The following ATP13A4 variants were observed in gnomAD, a reference collection of about 807,000 sequenced individuals.
ATP13A4 encodes ATPase 13A4.
In ATP13A4, 114 loss-of-function variants were observed where a neutral mutation model predicts 142.5. The ratio of observed to expected loss-of-function variants is 0.80; its 90% CI spans 0.69 to 0.93. ATP13A4 has a LOEUF of 0.93. Among genes scored for constraint, ATP13A4 ranks in the 40% least tolerant of loss-of-function variants. The pLI is 0.00. For missense variants in ATP13A4, 1,392 were observed against 1,454.0 expected (o/e 0.96, Z 0.69); for synonymous variants, 488 against 514.8 (o/e 0.95, Z 0.70).
At chr3:193,408,562 G>A (rs1276555527) in intron 28 of ATP13A4, among the ~76,000 whole-genome samples, 1 of 152,112 alleles carries the variant, frequency 6.6e-6, no homozygotes, top group Non-Finnish European at 1.5e-5. Flanking sequence ...TCTGCTGCTG[G>A]GAGGATAAAT....
Position 193,464,991 on chromosome 3 carries a change from G to A in ATP13A4, c.1410C>T (p.Ser470=), listed in dbSNP as rs778320962. ...RLKKRGIFCI[S]PQRINVCGQL... is the part of the protein sequence containing the mutation. ...GTCCACATACGTTGATCCTCTGGGGGCTAATGCAGAAGATGCCTCTCTTCT... is the reference window on the plus strand; with the variant it reads ...GTCCACATACGTTGATCCTCTGGGGACTAATGCAGAAGATGCCTCTCTTCT... Residue 470 remains serine (S), a synonymous_variant, in exon 12 of 30, where the codon AGC becomes AGT. Coordinates refer to ENST00000342695, the MANE Select transcript of ATP13A4 (RefSeq NM_032279.4). The A allele has an allele frequency of 1.2e-6, 2 of 1,614,112 alleles. No homozygotes were observed. The highest frequency in any genetic ancestry group is 1.7e-6 in the Non-Finnish European group (2 of 1,180,008).
At chr3:193,416,971 T>C (rs1463547782) in intron 25 of ATP13A4, 1 of 152,058 alleles carries the variant, frequency 6.6e-6, no homozygotes, top group Admixed American at 6.6e-5. Flanking sequence ...TTGAAAGCAG[T>C]GAGGGATAAG....
intron 25 of ATP13A4, among the ~76,000 whole-genome samples, chr3:193,425,903 CAA>C (rs1715634772): frequency 6.6e-6 from 1 of 151,566 alleles, no homozygotes; most frequent in Non-Finnish European, 1.5e-5. Flanking sequence ...GATAAATGTG[CAA>C]AGTGATAAAT....
intron 1 of ATP13A4, among the ~76,000 whole-genome samples, chr3:193,543,955 A>G (rs1251508155): frequency 6.6e-6 from 1 of 152,198 alleles, no homozygotes; most frequent in Non-Finnish European, 1.5e-5. Context: ...AGACTCAGAA[A>G]GAGGCTGGCA....
intron 13 of ATP13A4, among the ~76,000 whole-genome samples, chr3:193,459,515 G>A (rs769961468): frequency 2.6e-5 from 4 of 152,102 alleles, no homozygotes; most frequent in Non-Finnish European, 4.4e-5. Context: ...TCGATTCATT[G>A]CAACCTCTGC....
At chr3:193,522,898 C>A (rs1444979783) in intron 1 of ATP13A4, among the ~76,000 whole-genome samples, 1 of 152,160 alleles carries the variant, frequency 6.6e-6, no homozygotes, top group Non-Finnish European at 1.5e-5. Context: ...CTGATGATGT[C>A]TTTAGTATAA....
At chr3:193,512,010 CCT>C (rs1424109097) in intron 2 of ATP13A4, among the ~76,000 whole-genome samples, 1 of 151,896 alleles carries the variant, frequency 6.6e-6, no homozygotes, top group Non-Finnish European at 1.5e-5. Context: ...TTGCCCATTT[CCT>C]CTTATTCTTG....
intron 9 of ATP13A4, among the ~76,000 whole-genome samples, chr3:193,468,186 AAATAAATAAAT>A (rs1487709160): frequency 6.6e-6 from 1 of 151,944 alleles, no homozygotes; most frequent in Non-Finnish European, 1.5e-5. Flanking sequence ...TCTCAAAAAT[AAATAAATAAAT>A]AATAAATAAA....
At chr3:193,499,611 T>C (rs929194908) in intron 3 of ATP13A4, among the ~76,000 whole-genome samples, 11 of 152,352 alleles carry the variant, frequency 7.2e-5, no homozygotes, top group Non-Finnish European at 1.2e-4. Context: ...TCTCAAAGGA[T>C]ATCATATTCA....
At chr3:193,467,155 C>G (rs1041937605) in intron 10 of ATP13A4, among the ~76,000 whole-genome samples, 161 bp downstream of exon 10, 4 of 151,722 alleles carry the variant, frequency 2.6e-5, no homozygotes, top group African/African-American at 9.7e-5. Context: ...TCAGGTATCC[C>G]ATAAGTATAT....
intron 3 of ATP13A4, among the ~76,000 whole-genome samples, chr3:193,501,830 C>A (rs1426912622): frequency 6.6e-6 from 1 of 152,138 alleles, no homozygotes; most frequent in Non-Finnish European, 1.5e-5. Flanking sequence ...AACCCAAATA[C>A]ATTTGAATGA....
chr3:193,592,948 A>G (rs988592925), intron 1 of ATP13A4: 2 of 191,404 alleles, frequency 1.0e-5, no homozygotes, highest in Non-Finnish European at 2.1e-5. Flanking sequence ...GCATTCATCA[A>G]TTCTCATTCC....
At chr3:193,557,105 G>T (rs923878136), upstream of ATP13A4, among the ~76,000 whole-genome samples, 6 of 152,206 alleles carry the variant, frequency 3.9e-5, no homozygotes, top group Admixed American at 3.9e-4. Context: ...AGCTAGAGGA[G>T]AAACTGTACA....
chr3:193,407,512 G>C, intron 28 of ATP13A4, 119 bp from the exon 29 acceptor site: 1 of 703,430 alleles, frequency 1.4e-6, no homozygotes, highest in Non-Finnish European at 2.5e-6. Flanking sequence ...ATATATGTGT[G>C]TATATTACAT....
chr3:193,440,294 T>C (rs1716551404), intron 21 of ATP13A4: 1 of 472,072 alleles, frequency 2.1e-6, no homozygotes, highest in African/African-American at 2.0e-5. Context: ...AGTCCAGTGG[T>C]TCTCAGCATT....
chr3:193,493,417 C>A (rs962004564), intron 3 of ATP13A4, among the ~76,000 whole-genome samples: 5 of 152,238 alleles, frequency 3.3e-5, no homozygotes, highest in African/African-American at 1.2e-4. Context: ...TTAGTCTCTG[C>A]ATTCTACTAC....
At chr3:193,478,006 A>G (rs1229385523) in intron 8 of ATP13A4, among the ~76,000 whole-genome samples, 1 of 152,102 alleles carries the variant, frequency 6.6e-6, no homozygotes, top group Non-Finnish European at 1.5e-5. Flanking sequence ...TGAAAACTGC[A>G]AAACACTGCC....
intron 25 of ATP13A4, among the ~76,000 whole-genome samples, chr3:193,429,320 C>T (rs1715844732): frequency 6.6e-6 from 1 of 151,966 alleles, no homozygotes; most frequent in African/African-American, 2.4e-5. Flanking sequence ...GAGTTGAAAA[C>T]AGGGACTCAA....
chr3:193,563,125 G>A lies in ATP13A4; in HGVS notation n.291+18582C>T, dbSNP rs543167177. On this transcript the variant is annotated intron_variant and non_coding_transcript_variant, in intron 2 of 3. Coordinates refer to the ATP13A4 transcript ENST00000489140. ...GAAAAAATAGTGTTAGAAGTTGAACGGTACTTGAGAATTTTTTTCTTCCCA... is the reference window on the plus strand; with the variant it reads ...GAAAAAATAGTGTTAGAAGTTGAACAGTACTTGAGAATTTTTTTCTTCCCA... Among the ~76,000 whole-genome samples the A allele has an allele frequency of 1.2e-4, 18 of 152,200 alleles. No individual in the cohort carries two copies. The South Asian group carries it at 3.5e-3, about 30-fold the overall frequency.
Sources: gnomAD v4.1 joint callset for allele counts (sites outside exome capture counted in the v4.1 genomes callset) on GRCh38, gnomAD v4.1.1 for gene constraint, MANE v1.5 for transcripts, NCBI Gene and HGNC (gene_info 2026-07-23, HGNC 2026-07-21) for gene names.